SLC71A1: variants seen among roughly 807,000 people sequenced by gnomAD.
The protein encoded by SLC71A1 is hippocampus abundant gene transcript 1.
the SLC71A1 span, among the ~76,000 whole-genome samples, chr1:100,045,374 A>T: frequency 6.6e-6 from 1 of 152,218 alleles, no homozygotes; most frequent in African/African-American, 2.4e-5. Flanking sequence ...TGAATCGTTT[A>T]TCAGATCTCG....
chr1:100,082,416 T>C, the SLC71A1 span: 1 of 565,276 alleles, frequency 1.8e-6, no homozygotes, highest in Non-Finnish European at 3.1e-6. Context: ...GAAAAACCTT[T>C]TGTTTATTAG....
chr1:100,050,290 A>G, the SLC71A1 span, among the ~76,000 whole-genome samples: 8 of 152,178 alleles, frequency 5.3e-5, no homozygotes, highest in Non-Finnish European at 1.2e-4. Context: ...TTAAACCGAC[A>G]GGTTTAGAAA....
chr1:100,075,422 T>C, the SLC71A1 span, among the ~76,000 whole-genome samples: 7,435 of 152,290 alleles, frequency 0.049, 208 homozygotes, highest in African/African-American at 0.068. Context: ...TAGATGAAAG[T>C]GCTACCTTCC....
the SLC71A1 span, chr1:100,078,541 TCAA>T: frequency 6.2e-7 from 1 of 1,609,380 alleles, no homozygotes; most frequent in Non-Finnish European, 8.5e-7. Context: ...CTGATGCTGA[TCAA>T]CAGGGTGAGT....
chr1:100,038,310 A>G, the SLC71A1 span: 2 of 1,554,452 alleles, frequency 1.3e-6, no homozygotes, highest in Non-Finnish European at 1.7e-6. Flanking sequence ...TTAAGGACGG[A>G]GGCACGGTGA....
the SLC71A1 span, among the ~76,000 whole-genome samples, chr1:100,050,866 G>A: frequency 3.3e-5 from 5 of 151,894 alleles, no homozygotes; most frequent in African/African-American, 7.3e-5. Flanking sequence ...TGGGCAGATC[G>A]CTTGAGCTCT....
the SLC71A1 span, among the ~76,000 whole-genome samples, chr1:100,081,825 T>G: frequency 1.3e-5 from 2 of 152,238 alleles, no homozygotes; most frequent in South Asian, 2.1e-4. Flanking sequence ...CAGAATTTTA[T>G]AGAGAATGTG....
the SLC71A1 span, chr1:100,081,897 A>T: frequency 1.3e-6 from 1 of 796,930 alleles, no homozygotes. Context: ...AATAAAGAGA[A>T]GAGCAATTAG....
At chr1:100,040,709 C>A in the SLC71A1 span, among the ~76,000 whole-genome samples, 1 of 152,318 alleles carries the variant, frequency 6.6e-6, no homozygotes, top group African/African-American at 2.4e-5. Context: ...ATTCACCCAC[C>A]TTGGCCTCCC....
chr1:100,044,749 C>G, the SLC71A1 span, among the ~76,000 whole-genome samples: 2 of 152,072 alleles, frequency 1.3e-5, no homozygotes, highest in Non-Finnish European at 2.9e-5. Context: ...AACTACTGAC[C>G]TTAGGTGATC....
chr1:100,050,356 C>T, the SLC71A1 span, among the ~76,000 whole-genome samples: 1 of 152,158 alleles, frequency 6.6e-6, no homozygotes, highest in East Asian at 1.9e-4. Context: ...TTCATTTATG[C>T]AGCTGTACTT....
chr1:100,062,851 G>A, the SLC71A1 span, among the ~76,000 whole-genome samples: 3 of 150,048 alleles, frequency 2.0e-5, no homozygotes, highest in African/African-American at 7.4e-5. Flanking sequence ...TGAGGCAGGC[G>A]GATCACTTGA....
At chr1:100,057,334 G>GTT in the SLC71A1 span, among the ~76,000 whole-genome samples, 5 of 132,972 alleles carry the variant, frequency 3.8e-5, no homozygotes, top group Non-Finnish European at 6.6e-5. Context: ...GTCTGCGACT[G>GTT]TTTTTTTTTT....
chr1:100,074,146 G>A, the SLC71A1 span, among the ~76,000 whole-genome samples: 1 of 152,208 alleles, frequency 6.6e-6, no homozygotes, highest in Non-Finnish European at 1.5e-5. Context: ...GGCTGTAGGG[G>A]AAGGAGTCCA....
chr1:100,077,174 T>A, the SLC71A1 span: 1 of 1,404,170 alleles, frequency 7.1e-7, no homozygotes, highest in Non-Finnish European at 9.9e-7. Context: ...GACCATAGTC[T>A]TGAGTTTACT....
At chr1:100,078,929 G>C in the SLC71A1 span, 1 of 156,450 alleles carries the variant, frequency 6.4e-6, no homozygotes, top group Non-Finnish European at 1.4e-5. Context: ...AGCTGGGCAG[G>C]GTGGCGCATG....
At chr1:100,067,677 G>T in the SLC71A1 span, among the ~76,000 whole-genome samples, 5 of 152,062 alleles carry the variant, frequency 3.3e-5, no homozygotes, top group Admixed American at 3.3e-4. Flanking sequence ...GCTGGGCGTG[G>T]TGGTGTGTGC....
chr1:100,077,078 A>C, the SLC71A1 span: 1 of 652,672 alleles, frequency 1.5e-6, no homozygotes, highest in Non-Finnish European at 2.6e-6. Flanking sequence ...AATTGTAGAA[A>C]AGTGCCAATA....
At chr1:100,072,207 A>C in the SLC71A1 span, among the ~76,000 whole-genome samples, 1 of 152,230 alleles carries the variant, frequency 6.6e-6, no homozygotes, top group African/African-American at 2.4e-5. Flanking sequence ...TTGACCTTCC[A>C]TACCACTGAA....
Sources: gnomAD v4.1 joint callset for allele counts (sites outside exome capture counted in the v4.1 genomes callset) on GRCh38, gnomAD v4.1.1 for gene constraint, MANE v1.5 for transcripts, NCBI Gene and HGNC (gene_info 2026-07-23, HGNC 2026-07-21) for gene names.